IGSF10: variants seen among roughly 807,000 people sequenced by gnomAD.
IGSF10 encodes the protein immunoglobulin superfamily member 10, also known as calvaria mechanical force protein 608.
In IGSF10, 126 loss-of-function variants were observed where a neutral mutation model predicts 128.2. The ratio of observed to expected loss-of-function variants is 0.98; its 90% CI spans 0.85 to 1.14. The LOEUF is 1.14. Among genes scored for constraint, IGSF10 ranks in the 50% most tolerant of loss-of-function variants. IGSF10 has a pLI of 0.00. For missense variants in IGSF10, 3,295 were observed against 3,149.8 expected, an observed-to-expected ratio of 1.05 and a Z score of -1.10; for synonymous variants, 1,185 against 1,146.2, an observed-to-expected ratio of 1.03 and a Z score of -0.68.
rs1461536868 is a variant in IGSF10, at chr3:151,436,454, T to TTTG, written c.*232_*234dup. On this transcript the variant is annotated 3_prime_UTR_variant, in exon 8 of 8. Coordinates refer to ENST00000282466, the MANE Select transcript of IGSF10 (RefSeq NM_178822.5). Reference sequence around the variant, plus strand: ...CCGTTTCAATGTTTGTTTATTGTTATTTGTTGGCAAAATAAAAGTGCCTTA... The same window carrying TTTG: ...CCGTTTCAATGTTTGTTTATTGTTATTTGTTGTTGGCAAAATAAAAGTGCCTTA... 5.1e-6 allele frequency: 2 copies of TTTG among 388,668 alleles called. No individual in the cohort carries two copies. Among genetic ancestry groups the TTTG allele is most frequent in the East Asian group, 9.2e-5 (2 of 21,776 alleles). 24.1% of individuals were successfully genotyped at this position (388,668 alleles called of 1,614,324 possible). A position where few individuals can be genotyped will look rare whatever the true frequency, so the allele number is the denominator to read the frequency against.
At position 151,443,158 on chromosome 3, in the gene IGSF10, A is replaced by G. The variant is rs1008998514; in HGVS notation, c.5789T>C (p.Val1930Ala). The change falls in exon 7 of 8, where the codon GTA (valine) becomes GCA (alanine). Residue 1930 changes from valine to alanine, a missense_variant. Physicochemically the swap from Val to Ala is moderately conservative, Grantham distance 64. Transcript: ENST00000282466. ...CACTCGCTCTTCCATTGTAAGCATT[A>G]CTACTCTTCGCTCCGAACCAGTGGA... ...TSSTGSERRV[V>A]MLTMEERVTS... 36 of 1,614,100 alleles carry G rather than the reference A, an allele frequency of 2.2e-5. No individual in the cohort carries two copies. Among genetic ancestry groups the G allele is most frequent in the Non-Finnish European group, 2.8e-5 (33 of 1,180,034 alleles).
chr3:151,541,684 T>C, the IGSF10 span, among the ~76,000 whole-genome samples: 1 of 152,222 alleles, frequency 6.6e-6, no homozygotes, highest in Non-Finnish European at 1.5e-5. Context: ...ATCTTACTAA[T>C]ACCTCCTCAT....
At chr3:151,485,255 AAG>A in the IGSF10 span, among the ~76,000 whole-genome samples, 5 of 152,308 alleles carry the variant, frequency 3.3e-5, no homozygotes, top group African/African-American at 9.6e-5. Flanking sequence ...TTAAAAAAAA[AAG>A]AGTGAAAAGA....
At chr3:151,469,829 A>G in the IGSF10 span, among the ~76,000 whole-genome samples, 2 of 152,140 alleles carry the variant, frequency 1.3e-5, no homozygotes, top group African/African-American at 4.8e-5. Context: ...TAACACTCCA[A>G]TCCTAGCAGT....
chr3:151,522,956 C>T, the IGSF10 span, among the ~76,000 whole-genome samples: 6 of 151,994 alleles, frequency 3.9e-5, no homozygotes, highest in Non-Finnish European at 8.8e-5. Flanking sequence ...CCCAAAATCT[C>T]GTTCAGCTGA....
chr3:151,617,871 G>C, the IGSF10 span, among the ~76,000 whole-genome samples: 1 of 152,182 alleles, frequency 6.6e-6, no homozygotes, highest in Admixed American at 6.5e-5. Flanking sequence ...GAGAGGGTTA[G>C]TTATCACAAG....
the IGSF10 span, among the ~76,000 whole-genome samples, chr3:151,507,815 CATATTAA>C: frequency 6.6e-6 from 1 of 152,078 alleles, no homozygotes; most frequent in African/African-American, 2.4e-5. Context: ...ACAGTTAAAT[CATATTAA>C]ATATTAATTA....
intron 5 of IGSF10, among the ~76,000 whole-genome samples, chr3:151,450,895 C>CAAAAAAAAA (rs35070766): frequency 5.1e-4 from 28 of 55,402 alleles, no homozygotes; most frequent in African/African-American, 1.5e-3. Context: ...AACTCTGTCT[C>CAAAAAAAAA]AAAAAAAAAA....
the IGSF10 span, among the ~76,000 whole-genome samples, chr3:151,498,886 C>T: frequency 6.6e-6 from 1 of 152,080 alleles, no homozygotes; most frequent in Non-Finnish European, 1.5e-5. Context: ...TCGCTCAATA[C>T]AGGATAATAT....
At chr3:151,521,691 C>A in the IGSF10 span, among the ~76,000 whole-genome samples, 1 of 151,956 alleles carries the variant, frequency 6.6e-6, no homozygotes, top group Non-Finnish European at 1.5e-5. Context: ...ATAGCAAAAT[C>A]TCTGGGATAC....
Position 151,453,501 on chromosome 3 carries a change from G to C in IGSF10, c.598C>G (p.Leu200Val). The change falls in exon 5 of 8, where the codon CTC becomes GTC. Residue 200 changes from leucine to valine, a missense_variant. Transcript: ENST00000282466. ...LYLSDNFLTS[L>V]PQEMVSYMPD... is the part of the protein sequence containing the mutation. ...ATATAGGAGACCATCTCTTGAGGGA[G>C]GGAGGTCAGGAAGTTATCAGACAAG... 6.2e-7 allele frequency: 1 copy of C among 1,613,954 alleles called. No homozygotes were observed. Among genetic ancestry groups the C allele is most frequent in the Non-Finnish European group, 8.5e-7 (1 of 1,179,848 alleles).
the IGSF10 span, among the ~76,000 whole-genome samples, chr3:151,617,302 TTCTTCTTCTTCTTCTTCC>T: frequency 6.4e-4 from 86 of 133,868 alleles, 3 homozygotes; most frequent in African/African-American, 2.2e-3. Flanking sequence ...CTTCTTCTTC[TTCTTCTTCTTCTTCTTCC>T]CCTCCTCCTC....
At chr3:151,502,495 T>C in the IGSF10 span, among the ~76,000 whole-genome samples, 72,900 of 151,696 alleles carry the variant, frequency 0.48, 17,893 homozygotes, top group African/African-American at 0.57. Flanking sequence ...AAACAAAAAC[T>C]CTCTCCATAG....
At chr3:151,498,943 A>G in the IGSF10 span, among the ~76,000 whole-genome samples, 33 of 152,210 alleles carry the variant, frequency 2.2e-4, no homozygotes, top group African/African-American at 7.9e-4. Flanking sequence ...CTCATATTGC[A>G]TTTGTTTTTA....
the IGSF10 span, among the ~76,000 whole-genome samples, chr3:151,585,924 A>C: frequency 6.6e-6 from 1 of 151,966 alleles, no homozygotes; most frequent in Non-Finnish European, 1.5e-5. Flanking sequence ...ATTAAACGTT[A>C]TATTTATGGG....
chr3:151,534,801 A>ATGTGTGTGTGTG, the IGSF10 span, among the ~76,000 whole-genome samples: 8 of 149,180 alleles, frequency 5.4e-5, no homozygotes, highest in Middle Eastern at 3.4e-3. Context: ...TTTAAAGTGT[A>ATGTGTGTGTGTG]TGTGTGTGTG....
chr3:151,595,780 T>C, the IGSF10 span, among the ~76,000 whole-genome samples: 4 of 147,482 alleles, frequency 2.7e-5, no homozygotes, highest in African/African-American at 9.9e-5. Flanking sequence ...AGGTGGTTAC[T>C]AGGGGAAGGA....
the IGSF10 span, among the ~76,000 whole-genome samples, chr3:151,529,665 T>G: frequency 6.6e-6 from 1 of 152,028 alleles, no homozygotes; most frequent in African/African-American, 2.4e-5. Flanking sequence ...AGTATCAACA[T>G]CAATAAAAAG....
chr3:151,506,074 C>T, the IGSF10 span, among the ~76,000 whole-genome samples: 1 of 152,156 alleles, frequency 6.6e-6, no homozygotes, highest in Non-Finnish European at 1.5e-5. Context: ...GCCTCAGCCT[C>T]CCAAGTAGCT....
Sources: allele counts gnomAD v4.1 joint callset (sites outside exome capture counted in the v4.1 genomes callset), GRCh38; gene constraint gnomAD v4.1.1; transcripts MANE v1.5; gene names NCBI Gene and HGNC (gene_info 2026-07-23, HGNC 2026-07-21).